Variants in CELF3 observed in about 807,000 individuals in gnomAD.
The protein encoded by CELF3 is CAG repeat domain.
In CELF3, 26 loss-of-function variants were observed where a neutral mutation model predicts 59.6. The ratio of observed to expected loss-of-function variants is 0.44; its 90% CI spans 0.32 to 0.61. The LOEUF is 0.61. Among genes scored for constraint, CELF3 ranks in the 20% least tolerant of loss-of-function variants. The pLI is 0.06. For synonymous variants in CELF3, 245 were observed against 250.7 expected (o/e 0.98, Z 0.22); for missense variants, 387 against 627.2 (o/e 0.62, Z 4.09).
intron 2 of CELF3, among the ~76,000 whole-genome samples, chr1:151,712,924 T>C (rs937791834): frequency 2.0e-5 from 3 of 152,056 alleles, no homozygotes; most frequent in Non-Finnish European, 4.4e-5. Context: ...CACTCATGCA[T>C]GCACACACAC....
Position 151,701,683 on chromosome 1 carries a change from G to A in CELF3, c.*1776C>T, listed in dbSNP as rs953314786. 5.9e-5 allele frequency among the ~76,000 whole-genome samples: 9 copies of A among 151,926 alleles called. No individual in the cohort carries two copies. The highest frequency in any genetic ancestry group is 1.3e-4 in the Non-Finnish European group (9 of 67,988). On this transcript the variant is annotated 3_prime_UTR_variant, in exon 13 of 13. Transcript: ENST00000290583. ...AATCTGAGCACTTCGGGAGGCCAAGGCAGGAGGTTTGCTTGAGCCCAGGGG... is the reference window on the plus strand; with the variant it reads ...AATCTGAGCACTTCGGGAGGCCAAGACAGGAGGTTTGCTTGAGCCCAGGGG...
intron 2 of CELF3, 71 bp downstream of exon 2, chr1:151,714,523 G>C: frequency 1.9e-6 from 2 of 1,078,042 alleles, no homozygotes; most frequent in Non-Finnish European, 2.8e-6. Flanking sequence ...TCAGTGTCAG[G>C]AGGGTGGTGA....
At chr1:151,715,486 T>C in intron 1 of CELF3, 1 of 624,338 alleles carries the variant, frequency 1.6e-6, no homozygotes, top group Non-Finnish European at 2.6e-6. Flanking sequence ...CCCAATATTA[T>C]CTGAGGCTGC....
At position 151,700,578 on chromosome 1, in the gene CELF3, GT is replaced by G. The variant is rs2102761310; in HGVS notation, c.*2880del. 6.6e-6 allele frequency among the ~76,000 whole-genome samples: 1 copy of G among 152,266 alleles called. No homozygotes were observed. The highest frequency in any genetic ancestry group is 1.9e-4 in the East Asian group (1 of 5,182). ...CAAAAAACAGCAGCAGAGAAGTTTTGTTTTTTATTAGCTGCAGTTTAGAAAG... is the reference window on the plus strand; with the variant it reads ...CAAAAAACAGCAGCAGAGAAGTTTTGTTTTTATTAGCTGCAGTTTAGAAAG... On this transcript the variant is annotated 3_prime_UTR_variant, in exon 13 of 13. Coordinates refer to ENST00000290583, the MANE Select transcript of CELF3 (RefSeq NM_007185.7).
chr1:151,715,795 G>A lies in CELF3; in HGVS notation c.145+81C>T, dbSNP rs114505252. The A allele has an allele frequency of 4.3e-4, 679 of 1,593,882 alleles. 1 individual carries two copies. The African/African-American group carries it at 7.2e-3, about 17-fold the overall frequency. Reference sequence around the variant, plus strand: ...CCTTCCACATCAGCCCTTCCCAGCCGCTCCACCCCTCCAGCCTGGCTTAAC... The same window carrying A: ...CCTTCCACATCAGCCCTTCCCAGCCACTCCACCCCTCCAGCCTGGCTTAAC... On this transcript the variant is annotated intron_variant, in intron 1 of 12. Coordinates refer to ENST00000290583, the MANE Select transcript of CELF3 (RefSeq NM_007185.7).
rs952904210 is a variant in CELF3, at chr1:151,715,117, C to T, written c.146-441G>A. Among the ~76,000 whole-genome samples, 6 of 151,900 alleles carry T rather than the reference C, an allele frequency of 3.9e-5. No homozygotes were observed. The East Asian group carries it at 5.8e-4, about 15-fold the overall frequency. On this transcript the variant is annotated intron_variant, in intron 1 of 12. Transcript: ENST00000290583. ...ACCTCCACCATAGGCAGGTGGAGGA[C>T]GGAGAGTGAAATAGAGAAGGGAAGG...
At position 151,707,621 on chromosome 1, in the gene CELF3, C is replaced by T. The variant is rs756244056; in HGVS notation, c.658G>A (p.Ala220Thr). The change falls in exon 7 of 13, where the codon GCG (alanine) becomes ACG (threonine). Residue 220 changes from alanine to threonine, a missense_variant. By Grantham distance (58) the Ala-to-Thr change is moderately conservative. Transcript: ENST00000290583. ...GGGCTGAGGTAGGCACTGTGAGCCGCTACCAGGGCCGCCTGCTGCTGCATC... is the reference window on the plus strand; with the variant it reads ...GGGCTGAGGTAGGCACTGTGAGCCGTTACCAGGGCCGCCTGCTGCTGCATC... ...ALMQQQAALV[A>T]AHSAYLSPMA... 3 of 1,606,932 alleles carry T rather than the reference C, an allele frequency of 1.9e-6. No homozygotes were observed. The South Asian group carries it at 3.3e-5, about 18-fold the overall frequency.
chr1:151,704,985 C>T, intron 12 of CELF3, 46 bp downstream of exon 12: 1 of 1,562,788 alleles, frequency 6.4e-7, no homozygotes, highest in Non-Finnish European at 8.7e-7. Context: ...GCCCTGGCTG[C>T]AGTGTGTGAA....
In CELF3 at chr1:151,709,598, C is replaced by T; in HGVS notation, c.277+145G>A. 7.1e-6 allele frequency: 7 copies of T among 990,130 alleles called. No individual in the cohort carries two copies. In the South Asian group the frequency reaches 9.5e-5, roughly 13 times the overall value. 61.3% of individuals were successfully genotyped at this position (990,130 alleles called of 1,614,324 possible). ...CCGCCCCAGATCTCACCCGCTCTGG[C>T]CACACTGACTCCTATCTCACCGCAG... On this transcript the variant is annotated intron_variant, in intron 3 of 12. Transcript: ENST00000290583. This position sits in a 1 kb window ranked among gnomAD's most constrained non-coding sequence, Gnocchi z 4.9.
At position 151,714,692 on chromosome 1, in the gene CELF3, G is replaced by C. The variant is rs1411963393; in HGVS notation, c.146-16C>G. 6.5e-7 allele frequency: 1 copy of C among 1,547,618 alleles called. No individual in the cohort carries two copies. The highest frequency in any genetic ancestry group is 8.8e-7 in the Non-Finnish European group (1 of 1,142,820). ...AAGGCACATCCTGAGGAGGGGCAGGGGCAGAGAAACACGGCGGGGGGTGAG... is the reference window on the plus strand; with the variant it reads ...AAGGCACATCCTGAGGAGGGGCAGGCGCAGAGAAACACGGCGGGGGGTGAG... On this transcript the variant is annotated splice_polypyrimidine_tract_variant and intron_variant, in intron 1 of 12. Coordinates refer to ENST00000290583, the MANE Select transcript of CELF3 (RefSeq NM_007185.7).
Position 151,700,568 on chromosome 1 carries a change from G to A in CELF3, c.*2891C>T, listed in dbSNP as rs1162592421. Among the ~76,000 whole-genome samples the A allele has an allele frequency of 6.6e-6, 1 of 152,212 alleles. No individual in the cohort carries two copies. Among genetic ancestry groups the A allele is most frequent in the African/African-American group, 2.4e-5 (1 of 41,462 alleles). On this transcript the variant is annotated 3_prime_UTR_variant, in exon 13 of 13. Coordinates refer to ENST00000290583, the MANE Select transcript of CELF3 (RefSeq NM_007185.7). ...TGAAAAACAACAAAAAACAGCAGCA[G>A]AGAAGTTTTGTTTTTTATTAGCTGC... is the stretch of plus-strand genomic sequence containing the variant.
In CELF3 at chr1:151,705,233, C is replaced by T; in HGVS notation, c.1271-65G>A. 1 of 1,534,112 alleles carries T rather than the reference C, an allele frequency of 6.5e-7. No homozygotes were observed. The highest frequency in any genetic ancestry group is 8.9e-7 in the Non-Finnish European group (1 of 1,128,136). On this transcript the variant is annotated intron_variant, in intron 11 of 12. Transcript: ENST00000290583. This position sits in a 1 kb window ranked among gnomAD's most constrained non-coding sequence, Gnocchi z 5.1. ...TCGCTCTTCCGTGCTTAGGAGACCT[C>T]TGGCACTACCCTGTGTCTCCCAAGT...
At chr1:151,712,355 A>G (rs895664250) in intron 2 of CELF3, among the ~76,000 whole-genome samples, 2 of 152,184 alleles carry the variant, frequency 1.3e-5, no homozygotes, top group African/African-American at 4.8e-5. Context: ...AAGACCTCAC[A>G]GTTCTCACAA....
chr1:151,710,287 C>T lies in CELF3; in HGVS notation c.229-496G>A. 1.5e-5 allele frequency: 4 copies of T among 259,218 alleles called. No individual in the cohort carries two copies. In the South Asian group the frequency reaches 1.8e-4, roughly 12 times the overall value. The allele number at this position is 259,218 out of a possible 1,614,324, so 16.1% of individuals were successfully genotyped here. A position where few individuals can be genotyped will look rare whatever the true frequency, so the allele number is the denominator to read the frequency against. On this transcript the variant is annotated intron_variant, in intron 2 of 12. Transcript: ENST00000290583. Reference sequence around the variant, plus strand: ...CTGCCTCTCTTTCTGCCCCCCTATACCCCTTGACCCCAGGGGGAAGGCACT... The same window carrying T: ...CTGCCTCTCTTTCTGCCCCCCTATATCCCTTGACCCCAGGGGGAAGGCACT...
Position 151,703,190 on chromosome 1 carries a change from C to A in CELF3, c.*269G>T, listed in dbSNP as rs934444232. Reference sequence around the variant, plus strand: ...CCAGCAGAAGGCAGATACCCCGGAGCCTTCGAGCCTGTTCCTCGCTCCCTC... The same window carrying A: ...CCAGCAGAAGGCAGATACCCCGGAGACTTCGAGCCTGTTCCTCGCTCCCTC... On this transcript the variant is annotated 3_prime_UTR_variant, in exon 13 of 13. Coordinates refer to ENST00000290583, the MANE Select transcript of CELF3 (RefSeq NM_007185.7). The A allele has an allele frequency of 6.5e-6, 3 of 459,364 alleles. No homozygotes were observed. The highest frequency in any genetic ancestry group is 1.3e-5 in the Non-Finnish European group (3 of 228,626). 28.5% of individuals were successfully genotyped at this position (459,364 alleles called of 1,614,324 possible).
Position 151,709,612 on chromosome 1 carries a change from A to G in CELF3, c.277+131T>C. ...ACCCGCTCTGGCCACACTGACTCCT[A>G]TCTCACCGCAGCTGGGAACTCTTCA... On this transcript the variant is annotated intron_variant, in intron 3 of 12. Transcript: ENST00000290583. The surrounding 1 kb of genome is among the most constrained non-coding windows in gnomAD (Gnocchi z 4.9). The G allele has an allele frequency of 9.5e-7, 1 of 1,057,720 alleles. No homozygotes were observed. The highest frequency in any genetic ancestry group is 1.3e-5 in the South Asian group (1 of 77,070). The allele number at this position is 1,057,720 out of a possible 1,614,324, so 65.5% of individuals were successfully genotyped here.
rs1387467913 is a variant in CELF3 at position 151,709,458 on chromosome 1, G to A, written c.278-110C>T. On this transcript the variant is annotated intron_variant, in intron 3 of 12. Coordinates refer to ENST00000290583, the MANE Select transcript of CELF3 (RefSeq NM_007185.7). This position sits in a 1 kb window ranked among gnomAD's most constrained non-coding sequence, Gnocchi z 4.9. ...CTAACACTACTTCTGCTACCCTTAGGGTCCAATGGCTGTAGGGGCTGATGG... is the reference window on the plus strand; with the variant it reads ...CTAACACTACTTCTGCTACCCTTAGAGTCCAATGGCTGTAGGGGCTGATGG... 1 of 1,470,800 alleles carries A rather than the reference G, an allele frequency of 6.8e-7. No homozygotes were observed. The highest frequency in any genetic ancestry group is 9.4e-7 in the Non-Finnish European group (1 of 1,067,248). 91.1% of individuals were successfully genotyped at this position (1,470,800 alleles called of 1,614,324 possible).
Position 151,709,373 on chromosome 1 carries a change from G to A in CELF3, c.278-25C>T. ...TCTGGGTGGTAGGGCACAGGAGGAG[G>A]GCATGTTCAGGGCCTCCTGGCTGCC... On this transcript the variant is annotated intron_variant, in intron 3 of 12. Coordinates refer to ENST00000290583, the MANE Select transcript of CELF3 (RefSeq NM_007185.7). This position sits in a 1 kb window ranked among gnomAD's most constrained non-coding sequence, Gnocchi z 4.9. 6.2e-7 allele frequency: 1 copy of A among 1,613,662 alleles called. No homozygotes were observed. The highest frequency in any genetic ancestry group is 8.5e-7 in the Non-Finnish European group (1 of 1,179,758).
chr1:151,715,868 C>T lies in CELF3; in HGVS notation c.145+8G>A, dbSNP rs772777189. 9 of 1,610,416 alleles carry T rather than the reference C, an allele frequency of 5.6e-6. No homozygotes were observed. The highest frequency in any genetic ancestry group is 5.5e-5 in the South Asian group (5 of 90,650). ...CCCGAAGCCTCTTCAGCCTGCCCGA[C>T]CCCTCACCCTTGTGCAGCCCGGTGT... is the stretch of plus-strand genomic sequence containing the variant. On this transcript the variant is annotated splice_region_variant and intron_variant, in intron 1 of 12. Transcript: ENST00000290583.
Sources: allele counts gnomAD v4.1 joint callset (sites outside exome capture counted in the v4.1 genomes callset), GRCh38; gene constraint gnomAD v4.1.1; non-coding constraint Gnocchi (gnomAD v3.1); transcripts MANE v1.5; gene names NCBI Gene and HGNC (gene_info 2026-07-23, HGNC 2026-07-21).